Variants in MACROD2 observed in about 807,000 individuals in gnomAD.
MACROD2 encodes mono-ADP ribosylhydrolase 2.
MACROD2 carries 36 observed loss-of-function variants against 70.4 expected under a neutral mutation model. The ratio of observed to expected loss-of-function variants is 0.51; its 90% CI spans 0.39 to 0.68. MACROD2 has a LOEUF of 0.68. Among genes scored for constraint, MACROD2 ranks in the 30% least tolerant of loss-of-function variants. The probability of loss-of-function intolerance (pLI) is 0.00; values close to 1 mark genes in which losing one functional copy is unlikely to be tolerated. For missense variants in MACROD2, 496 were observed against 538.4 expected (o/e 0.92, Z 0.78); for synonymous variants, 172 against 178.8 (o/e 0.96, Z 0.30).
intron 15 of MACROD2, among the ~76,000 whole-genome samples, chr20:16,030,077 A>G (rs1010355877): frequency 1.3e-5 from 2 of 152,184 alleles, no homozygotes; most frequent in African/African-American, 2.4e-5. Flanking sequence ...AAAAGGGAAC[A>G]GAGGAACTTT....
chr20:15,002,771 A>G (rs1387367208), intron 5 of MACROD2, among the ~76,000 whole-genome samples: 2 of 152,144 alleles, frequency 1.3e-5, no homozygotes, highest in Non-Finnish European at 2.9e-5. Context: ...TAAACCGGAA[A>G]CTTCTGAATC....
Position 15,474,570 on chromosome 20 carries a change from G to A in MACROD2, c.572-25204G>A, listed in dbSNP as rs2046997831. ...ATATCAGTAGCTGGCTGATTTTCAT[G>A]AAGTACAGATTAAAAATGAGCAATC... On this transcript the variant is annotated intron_variant, in intron 7 of 17. Transcript: ENST00000684519. Among the ~76,000 whole-genome samples the A allele has an allele frequency of 2.0e-5, 3 of 152,238 alleles. No homozygotes were observed. The South Asian group carries it at 6.2e-4, about 32-fold the overall frequency.
intron 8 of MACROD2, among the ~76,000 whole-genome samples, chr20:15,614,844 T>C (rs2049016347): frequency 1.3e-5 from 2 of 152,188 alleles, no homozygotes; most frequent in South Asian, 2.1e-4. Flanking sequence ...ACTAATATAT[T>C]CATGCCTCTA....
chr20:14,851,898 T>G (rs1445812774), intron 5 of MACROD2, among the ~76,000 whole-genome samples: 1 of 152,104 alleles, frequency 6.6e-6, no homozygotes, highest in Non-Finnish European at 1.5e-5. Flanking sequence ...CACAGAGCTT[T>G]CTTGATGCTA....
chr20:15,305,195 T>C (rs2077685770), intron 6 of MACROD2, among the ~76,000 whole-genome samples: 1 of 152,150 alleles, frequency 6.6e-6, no homozygotes, highest in Non-Finnish European at 1.5e-5. Flanking sequence ...ACTTTATAAT[T>C]ACACAACTTT....
chr20:14,699,973 T>C (rs1009579407), intron 5 of MACROD2, among the ~76,000 whole-genome samples: 3 of 138,916 alleles, frequency 2.2e-5, no homozygotes, highest in African/African-American at 8.0e-5. Context: ...TTTTTAAATC[T>C]AGAAGTTTAA....
intron 13 of MACROD2, among the ~76,000 whole-genome samples, chr20:15,978,434 C>T (rs1376733151): frequency 3.3e-5 from 5 of 152,128 alleles, no homozygotes; most frequent in African/African-American, 1.2e-4. Context: ...AAGCTGGTCA[C>T]GAGATGATAT....
Position 15,047,687 on chromosome 20 carries a change from C to G in MACROD2, c.419-182253C>G, listed in dbSNP as rs902277713. Among the ~76,000 whole-genome samples the G allele has an allele frequency of 2.0e-5, 3 of 152,292 alleles. No individual in the cohort carries two copies. The East Asian group carries it at 5.8e-4, about 29-fold the overall frequency. Reference sequence around the variant, plus strand: ...TATGGTAAGACTGCATTTACTGGAGCTCTTCTGATTGGACAGAGTTTACAA... The same window carrying G: ...TATGGTAAGACTGCATTTACTGGAGGTCTTCTGATTGGACAGAGTTTACAA... On this transcript the variant is annotated intron_variant, in intron 5 of 17. Transcript: ENST00000684519.
At chr20:14,920,174 G>C (rs2074144305) in intron 5 of MACROD2, among the ~76,000 whole-genome samples, 2 of 152,210 alleles carry the variant, frequency 1.3e-5, no homozygotes, top group Non-Finnish European at 2.9e-5. Flanking sequence ...CTGGGATAGA[G>C]AAGGAGTTGG....
chr20:14,991,319 A>T (rs868458135), intron 5 of MACROD2, among the ~76,000 whole-genome samples: 7 of 152,152 alleles, frequency 4.6e-5, no homozygotes, highest in African/African-American at 1.7e-4. Context: ...TAAAGAATTG[A>T]CTACACATCA....
In MACROD2 at chr20:14,063,446, T is replaced by A. The variant is rs566741613; in HGVS notation, c.164-22175T>A. Reference sequence around the variant, plus strand: ...CATATGCTGGCTTTATTGAAACTGTTCTTGCCATGGTTGCCAGCAATGACA... The same window carrying A: ...CATATGCTGGCTTTATTGAAACTGTACTTGCCATGGTTGCCAGCAATGACA... On this transcript the variant is annotated intron_variant, in intron 2 of 17. Coordinates refer to ENST00000684519, the MANE Select transcript of MACROD2 (RefSeq NM_001351661.2). Among the ~76,000 whole-genome samples the A allele has an allele frequency of 4.6e-5, 7 of 152,318 alleles. No homozygotes were observed. In the East Asian group the frequency reaches 1.3e-3, roughly 29 times the overall value.
intron 5 of MACROD2, among the ~76,000 whole-genome samples, chr20:15,052,728 A>C (rs888149686): frequency 1.3e-5 from 2 of 152,328 alleles, no homozygotes; most frequent in Non-Finnish European, 2.9e-5. Flanking sequence ...TTAAGTGTTC[A>C]AGTGAGAGAA....
chr20:15,358,789 CG>C (rs1555808870), intron 6 of MACROD2, among the ~76,000 whole-genome samples: 1 of 149,740 alleles, frequency 6.7e-6, no homozygotes, highest in Non-Finnish European at 1.5e-5. Flanking sequence ...CTCCAGATGG[CG>C]AAGAAGAAGA....
intron 5 of MACROD2, among the ~76,000 whole-genome samples, chr20:15,162,476 C>T (rs2076355643): frequency 6.6e-6 from 1 of 152,072 alleles, no homozygotes; most frequent in African/African-American, 2.4e-5. Flanking sequence ...GTCATAAAAC[C>T]TGGCTATGTC....
intron 5 of MACROD2, among the ~76,000 whole-genome samples, chr20:15,079,641 C>T (rs1252931976): frequency 1.3e-5 from 2 of 152,022 alleles, no homozygotes; most frequent in Non-Finnish European, 1.5e-5. Flanking sequence ...ATGATCTCTC[C>T]AGAACACACA....
intron 2 of MACROD2, among the ~76,000 whole-genome samples, chr20:14,033,074 G>A (rs1207598959): frequency 7.1e-6 from 1 of 141,248 alleles, no homozygotes. Context: ...TTCTTCAGAA[G>A]CTTGGTTTTT....
At chr20:14,957,496 GT>G (rs1221368026) in intron 5 of MACROD2, among the ~76,000 whole-genome samples, 2 of 152,164 alleles carry the variant, frequency 1.3e-5, no homozygotes, top group Non-Finnish European at 2.9e-5. Flanking sequence ...AGCAGGACCA[GT>G]TCACCAGCCA....
intron 5 of MACROD2, among the ~76,000 whole-genome samples, chr20:14,710,681 T>G (rs1054795728): frequency 1.3e-5 from 2 of 152,226 alleles, no homozygotes; most frequent in African/African-American, 2.4e-5. Flanking sequence ...CATTGCCATA[T>G]TGTGTTCTGT....
At chr20:15,357,400 AT>A (rs1286099649) in intron 6 of MACROD2, among the ~76,000 whole-genome samples, 1 of 152,162 alleles carries the variant, frequency 6.6e-6, no homozygotes, top group Admixed American at 6.5e-5. Flanking sequence ...TAGAAATTTC[AT>A]TTAAAGCATT....
Sources: allele counts gnomAD v4.1 joint callset (sites outside exome capture counted in the v4.1 genomes callset), GRCh38; gene constraint gnomAD v4.1.1; transcripts MANE v1.5; gene names NCBI Gene and HGNC (gene_info 2026-07-23, HGNC 2026-07-21).